The following SLC44A5 variants were observed in gnomAD, a reference collection of about 807,000 sequenced individuals.
SLC44A5 encodes the protein solute carrier family 44 member 5, also known as choline transporter-like protein 5.
SLC44A5 carries 57 observed loss-of-function variants against 101.8 expected under a neutral mutation model. The observed-to-expected ratio is 0.56, with a 90% CI of 0.45 to 0.70. SLC44A5 has a LOEUF of 0.70. SLC44A5 is among the 30% of genes least tolerant of loss of function. The pLI is 0.00. For missense variants in SLC44A5, 737 were observed against 853.1 expected (o/e 0.86, Z 1.70); for synonymous variants, 281 against 290.9 (o/e 0.97, Z 0.35).
At chr1:75,479,436 C>A (rs1185779292) in intron 2 of SLC44A5, among the ~76,000 whole-genome samples, 1 of 152,128 alleles carries the variant, frequency 6.6e-6, no homozygotes, top group Admixed American at 6.5e-5. Flanking sequence ...ACACAAAAAA[C>A]CCTTCAAAAA....
the SLC44A5 span, among the ~76,000 whole-genome samples, chr1:75,625,515 A>G: frequency 6.6e-6 from 1 of 152,150 alleles, no homozygotes; most frequent in Non-Finnish European, 1.5e-5. Flanking sequence ...GCAGGCCAAA[A>G]ATACTATCTT....
At chr1:75,466,659 A>C (rs1016598636) in intron 2 of SLC44A5, among the ~76,000 whole-genome samples, 1 of 150,184 alleles carries the variant, frequency 6.7e-6, no homozygotes, top group African/African-American at 2.4e-5. Flanking sequence ...CCATCTTAAA[A>C]AAAAAAAAAA....
At chr1:75,583,932 T>A (rs769996595) in intron 1 of SLC44A5, among the ~76,000 whole-genome samples, 1 of 152,234 alleles carries the variant, frequency 6.6e-6, no homozygotes, top group Non-Finnish European at 1.5e-5. Flanking sequence ...CAGTAATTCC[T>A]ATGGGGCTGG....
chr1:75,610,877 C>T (rs142914317), intron 1 of SLC44A5, among the ~76,000 whole-genome samples, 163 bp downstream of exon 1: 219 of 151,778 alleles, frequency 1.4e-3, no homozygotes, highest in Non-Finnish European at 2.4e-3. Context: ...CACACACACA[C>T]GGAGAGGAAG....
chr1:75,603,442 A>T (rs1389278912), intron 1 of SLC44A5, among the ~76,000 whole-genome samples: 1 of 151,704 alleles, frequency 6.6e-6, no homozygotes, highest in Non-Finnish European at 1.5e-5. Context: ...TGCAATTAAC[A>T]TGCGGGTGCA....
chr1:75,561,926 TA>T (rs1333420981), intron 1 of SLC44A5, among the ~76,000 whole-genome samples: 1 of 152,054 alleles, frequency 6.6e-6, no homozygotes, highest in African/African-American at 2.4e-5. Flanking sequence ...ATTAATGTAA[TA>T]TTTTTTGTTA....
chr1:75,504,441 A>G (rs1475784609), intron 2 of SLC44A5, among the ~76,000 whole-genome samples: 1 of 151,926 alleles, frequency 6.6e-6, no homozygotes, highest in African/African-American at 2.4e-5. Context: ...TGATGTGTAT[A>G]TTTTTCTTTG....
chr1:75,345,987 G>A (rs192194346), intron 3 of SLC44A5, among the ~76,000 whole-genome samples: 2 of 152,216 alleles, frequency 1.3e-5, no homozygotes, highest in Admixed American at 6.6e-5. Flanking sequence ...CATTACAGAG[G>A]AATACATTTG....
intron 2 of SLC44A5, among the ~76,000 whole-genome samples, chr1:75,443,433 T>C (rs1384410320): frequency 6.6e-6 from 1 of 151,852 alleles, no homozygotes; most frequent in Non-Finnish European, 1.5e-5. Context: ...ACTACAAACA[T>C]AGGAATGTTT....
chr1:75,261,391 C>T lies in SLC44A5; in HGVS notation c.261-10097G>A, dbSNP rs543444099. ...TACCACCAGAGAATACTGTAAACAC[C>T]TCTACTCAAAGAAACTAGAAAATCT... On this transcript the variant is annotated intron_variant, in intron 6 of 23. Transcript: ENST00000370859. Among the ~76,000 whole-genome samples, 101 of 152,178 alleles carry T rather than the reference C, an allele frequency of 6.6e-4. 2 individuals carry two copies. The highest frequency in any genetic ancestry group is 2.4e-3 in the African/African-American group (100 of 41,500).
intron 2 of SLC44A5, among the ~76,000 whole-genome samples, chr1:75,461,303 C>T (rs887870192): frequency 2.6e-5 from 4 of 152,196 alleles, no homozygotes; most frequent in Admixed American, 6.5e-5. Flanking sequence ...ATTTTCATCT[C>T]TGACAATTTT....
the SLC44A5 span, among the ~76,000 whole-genome samples, chr1:75,674,563 A>T: frequency 6.6e-6 from 1 of 152,202 alleles, no homozygotes; most frequent in Admixed American, 6.5e-5. Flanking sequence ...TATTTTTAGT[A>T]GAGACAGGGT....
At chr1:75,399,723 T>G (rs1438420679) in intron 2 of SLC44A5, among the ~76,000 whole-genome samples, 1 of 152,218 alleles carries the variant, frequency 6.6e-6, no homozygotes, top group Non-Finnish European at 1.5e-5. Context: ...ATTGTATATC[T>G]GGAAGGAAAT....
At chr1:75,459,663 T>C (rs923331040) in intron 2 of SLC44A5, among the ~76,000 whole-genome samples, 2 of 152,314 alleles carry the variant, frequency 1.3e-5, no homozygotes, top group South Asian at 2.1e-4. Flanking sequence ...CTAAATGGAA[T>C]ATCTTTCCTT....
chr1:75,663,204 T>G, the SLC44A5 span, among the ~76,000 whole-genome samples: 2 of 152,136 alleles, frequency 1.3e-5, no homozygotes, highest in South Asian at 4.1e-4. Flanking sequence ...ATCTTAACCC[T>G]CAATGTGATG....
chr1:75,292,769 T>C (rs1397486831), intron 5 of SLC44A5, among the ~76,000 whole-genome samples: 1 of 152,142 alleles, frequency 6.6e-6, no homozygotes, highest in East Asian at 1.9e-4. Context: ...AGGCAGGAGG[T>C]GAAGGAGGAA....
chr1:75,235,117 C>T (rs1570431717), intron 11 of SLC44A5, among the ~76,000 whole-genome samples: 1 of 151,996 alleles, frequency 6.6e-6, no homozygotes, highest in Non-Finnish European at 1.5e-5. Flanking sequence ...GCAAAGCCTG[C>T]GCTTTTAACT....
At chr1:75,240,250 C>T (rs1445764716) in intron 9 of SLC44A5, among the ~76,000 whole-genome samples, 1 of 152,058 alleles carries the variant, frequency 6.6e-6, no homozygotes, top group East Asian at 1.9e-4. Context: ...AATGTTTTCC[C>T]TTGTTTACTT....
chr1:75,644,646 T>A, the SLC44A5 span, among the ~76,000 whole-genome samples: 11,564 of 134,632 alleles, frequency 0.086, 1,488 homozygotes, highest in African/African-American at 0.27. Flanking sequence ...ATATATATTT[T>A]TTTTTAATTA....
Sources: gnomAD v4.1 joint callset for allele counts (sites outside exome capture counted in the v4.1 genomes callset) on GRCh38, gnomAD v4.1.1 for gene constraint, MANE v1.5 for transcripts, NCBI Gene and HGNC (gene_info 2026-07-23, HGNC 2026-07-21) for gene names.